The following TMEM50B variants were observed in gnomAD, a reference collection of about 807,000 sequenced individuals.
TMEM50B encodes the protein transmembrane protein 50B, also known as HCV p7-trans-regulated protein 3.
In TMEM50B, 14 loss-of-function variants were observed where a neutral mutation model predicts 23.4. That is an observed-to-expected ratio of 0.60 (90% CI 0.39 to 0.93). The LOEUF (loss-of-function observed/expected upper bound fraction) is 0.93, where lower values mean the gene tolerates loss of function less well. TMEM50B is among the 40% of genes least tolerant of loss of function. TMEM50B has a pLI of 0.00. For missense variants in TMEM50B, 159 were observed against 193.0 expected, an observed-to-expected ratio of 0.82 and a Z score of 1.04; for synonymous variants, 64 against 62.3, an observed-to-expected ratio of 1.03 and a Z score of -0.13.
intron 4 of TMEM50B, among the ~76,000 whole-genome samples, chr21:33,462,558 G>C (rs1265011035): frequency 1.3e-5 from 2 of 152,116 alleles, no homozygotes; most frequent in Non-Finnish European, 2.9e-5. Flanking sequence ...GGTAATCCCA[G>C]CTACTCTGGA....
chr21:33,444,102 T>C (rs1601106233), intron 7 of TMEM50B, among the ~76,000 whole-genome samples: 2 of 152,196 alleles, frequency 1.3e-5, no homozygotes, highest in Admixed American at 1.3e-4. Context: ...GATTTCACCA[T>C]GTTGGCCAAG....
At chr21:33,442,684 G>A (rs2084018201) in intron 7 of TMEM50B, among the ~76,000 whole-genome samples, 1 of 152,148 alleles carries the variant, frequency 6.6e-6, no homozygotes, top group Non-Finnish European at 1.5e-5. Flanking sequence ...ACTTTGGGAG[G>A]CAGAGGCAGG....
intron 1 of TMEM50B, among the ~76,000 whole-genome samples, chr21:33,472,047 AAG>A (rs976557408): frequency 4.8e-4 from 73 of 150,936 alleles, no homozygotes; most frequent in African/African-American, 1.7e-3. Flanking sequence ...AAAAAAAAGA[AAG>A]AAAGAAAATT....
At chr21:33,478,785 G>A (rs1456894141) in intron 1 of TMEM50B, 2 of 471,086 alleles carry the variant, frequency 4.2e-6, no homozygotes, top group South Asian at 1.5e-5. Context: ...CTCTACGTTT[G>A]AAATGCATGC....
intron 7 of TMEM50B, among the ~76,000 whole-genome samples, chr21:33,440,233 T>C (rs2083995918): frequency 6.6e-6 from 1 of 152,184 alleles, no homozygotes; most frequent in African/African-American, 2.4e-5. Flanking sequence ...AAGAAGAATA[T>C]TTCATCACAC....
chr21:33,440,193 G>C (rs1239817984), intron 7 of TMEM50B, among the ~76,000 whole-genome samples: 1 of 152,168 alleles, frequency 6.6e-6, no homozygotes, highest in Non-Finnish European at 1.5e-5. Context: ...GCTAAGAATA[G>C]CTTTTACATC....
At chr21:33,478,237 C>A (rs1208266494) in intron 1 of TMEM50B, among the ~76,000 whole-genome samples, 1 of 151,974 alleles carries the variant, frequency 6.6e-6, no homozygotes, top group Non-Finnish European at 1.5e-5. Flanking sequence ...GAGACCGAGG[C>A]AAGCGGATCA....
chr21:33,478,397 G>T (rs1339152832), intron 1 of TMEM50B, among the ~76,000 whole-genome samples: 2 of 152,042 alleles, frequency 1.3e-5, no homozygotes, highest in African/African-American at 2.4e-5. Context: ...AACCCTAGAG[G>T]TGCAGGCTGC....
intron 4 of TMEM50B, among the ~76,000 whole-genome samples, chr21:33,461,969 T>C (rs1361728737): frequency 1.6e-4 from 25 of 152,156 alleles, no homozygotes; most frequent in Admixed American, 1.6e-3. Flanking sequence ...AAGTATGCTT[T>C]TGTTTAGCAA....
At position 33,467,121 on chromosome 21, in the gene TMEM50B, AACTTAAAACACAGCCCAAGTC is replaced by A. The variant is rs1429005263; in HGVS notation, c.100-20_100del. On this transcript the variant is annotated splice_acceptor_variant and splice_polypyrimidine_tract_variant and coding_sequence_variant and intron_variant, in exon 3 of 7. Transcript: ENST00000542230. LOFTEE classifies it high-confidence loss of function. ...AATCATTATCCACCAGCCTGTAAAA[AACTTAAAACACAGCCCAAGTC>A]ACTGAAACATTAAAACTCTTGCTAG... The A allele has an allele frequency of 6.2e-7, 1 of 1,613,388 alleles. No homozygotes were observed. The highest frequency in any genetic ancestry group is 8.5e-7 in the Non-Finnish European group (1 of 1,179,410).
chr21:33,470,301 G>A (rs964979843), intron 1 of TMEM50B, among the ~76,000 whole-genome samples: 13 of 151,314 alleles, frequency 8.6e-5, no homozygotes, highest in East Asian at 7.8e-4. Context: ...GTGAAATCCC[G>A]TCTCTACTAA....
chr21:33,455,600 T>G, intron 6 of TMEM50B, 127 bp downstream of exon 6: 1 of 820,688 alleles, frequency 1.2e-6, no homozygotes, highest in South Asian at 1.6e-5. Context: ...AATTCTCACC[T>G]TTTAAAAGAA....
At chr21:33,436,791 TAAAC>T in intron 8 of TMEM50B, 2 of 1,595,752 alleles carry the variant, frequency 1.3e-6, no homozygotes, top group Non-Finnish European at 1.7e-6. Flanking sequence ...ACTGAACTGG[TAAAC>T]TAATTACAAT....
intron 4 of TMEM50B, among the ~76,000 whole-genome samples, chr21:33,464,048 T>C (rs1210005832): frequency 6.6e-6 from 1 of 152,162 alleles, no homozygotes; most frequent in Non-Finnish European, 1.5e-5. Context: ...TGGTTCTAGA[T>C]GGGAAACAAG....
chr21:33,467,414 A>T (rs2084274272), intron 2 of TMEM50B, among the ~76,000 whole-genome samples: 2 of 152,250 alleles, frequency 1.3e-5, no homozygotes, highest in Admixed American at 1.3e-4. Flanking sequence ...ACCTGAGGTC[A>T]GGAGTTTGAG....
intron 4 of TMEM50B, among the ~76,000 whole-genome samples, chr21:33,461,653 A>C (rs2084217779): frequency 6.6e-6 from 1 of 152,096 alleles, no homozygotes; most frequent in Admixed American, 6.6e-5. Context: ...AAAGAAAAAA[A>C]AATCAGTCGG....
intron 1 of TMEM50B, chr21:33,478,856 C>T (rs1305060621): frequency 1.1e-5 from 5 of 470,814 alleles, no homozygotes; most frequent in Non-Finnish European, 2.2e-5. Flanking sequence ...AGTTCAGAGC[C>T]TCTGAAGTGT....
chr21:33,434,276 C>T (rs2083921165), intron 8 of TMEM50B, among the ~76,000 whole-genome samples: 1 of 152,132 alleles, frequency 6.6e-6, no homozygotes, highest in South Asian at 2.1e-4. Flanking sequence ...AATCCCAGGA[C>T]TTGGGGAGGC....
At chr21:33,436,942 G>A in intron 8 of TMEM50B, 1 of 1,614,042 alleles carries the variant, frequency 6.2e-7, no homozygotes, top group East Asian at 2.2e-5. Flanking sequence ...GGAGCAAGAA[G>A]ATGTTCTCCA....
Sources: allele counts gnomAD v4.1 joint callset (sites outside exome capture counted in the v4.1 genomes callset), GRCh38; gene constraint gnomAD v4.1.1; transcripts MANE v1.5; gene names NCBI Gene and HGNC (gene_info 2026-07-23, HGNC 2026-07-21).